The following PLCH2 variants were observed in gnomAD, a reference collection of about 807,000 sequenced individuals.
PLCH2 encodes the protein 1-phosphatidylinositol 4,5-bisphosphate phosphodiesterase eta-2.
PLCH2 carries 98 observed loss-of-function variants against 134.7 expected under a neutral mutation model. The ratio of observed to expected loss-of-function variants is 0.73; its 90% CI spans 0.62 to 0.86. PLCH2 has a LOEUF of 0.86. Among genes scored for constraint, PLCH2 ranks in the 40% least tolerant of loss-of-function variants. The probability of loss-of-function intolerance (pLI) is 0.00; values close to 1 mark genes in which losing one functional copy is unlikely to be tolerated. For synonymous variants in PLCH2, 974 were observed against 827.5 expected (o/e 1.18, Z -3.04); for missense variants, 1,994 against 1,986.6 (o/e 1.00, Z -0.07).
intron 13 of PLCH2, 148 bp from the exon 14 acceptor site, chr1:2,496,459 C>A (rs553738357): frequency 1.3e-5 from 9 of 696,824 alleles, no homozygotes; most frequent in Non-Finnish European, 2.0e-5. Context: ...TTCCGCAGCC[C>A]GCGGCCCAGT....
intron 1 of PLCH2, among the ~76,000 whole-genome samples, chr1:2,429,697 G>A (rs1570208108): frequency 6.6e-6 from 1 of 152,318 alleles, no homozygotes; most frequent in Admixed American, 6.5e-5. Context: ...TGCGTGCGTG[G>A]TGACCAAAAG....
intron 13 of PLCH2, among the ~76,000 whole-genome samples, 154 bp from the exon 14 acceptor site, chr1:2,496,453 G>A (rs772865230): frequency 3.3e-5 from 5 of 152,222 alleles, no homozygotes; most frequent in African/African-American, 4.8e-5. Context: ...TCAGGTTTCC[G>A]CAGCCCGCGG....
upstream of PLCH2, among the ~76,000 whole-genome samples, chr1:2,465,668 C>T (rs543564252): frequency 6.6e-6 from 1 of 152,240 alleles, no homozygotes; most frequent in African/African-American, 2.4e-5. Context: ...TTTAGGAGAT[C>T]AGAATCTTAA....
Position 2,476,622 on chromosome 1 carries a change from A to T in PLCH2, c.34A>T (p.Thr12Ser). The T allele has an allele frequency of 6.3e-7, 1 of 1,598,626 alleles. No individual in the cohort carries two copies. ...TCCATGGCCCTCCCCCGACAGCCGG[A>T]CCAAGGGAACGGTGGCCTGGCTGGC... is the stretch of plus-strand genomic sequence containing the variant. ...SGPWPSPDSR[T>S]KGTVAWLAEV... The change falls in exon 1 of 22, where the codon ACC becomes TCC. Residue 12 changes from threonine to serine, a missense_variant. Coordinates refer to ENST00000378486, the MANE Select transcript of PLCH2 (RefSeq NM_014638.4).
chr1:2,434,170 T>C (rs1260508504), intron 2 of PLCH2, among the ~76,000 whole-genome samples: 2 of 152,248 alleles, frequency 1.3e-5, no homozygotes, highest in African/African-American at 4.8e-5. Context: ...AGCTTCTTAC[T>C]GAGCAACCAA....
chr1:2,465,868 C>T (rs1411633405), upstream of PLCH2, among the ~76,000 whole-genome samples: 3 of 152,150 alleles, frequency 2.0e-5, no homozygotes, highest in East Asian at 1.9e-4. Flanking sequence ...TCCAAGGAGG[C>T]GTGGCTGGGT....
Position 2,504,372 on chromosome 1 carries a change from G to C in PLCH2, c.3410G>C (p.Cys1137Ser). The change falls in exon 22 of 22, where the codon TGT becomes TCT. Residue 1137 changes from cysteine to serine, a missense_variant. Coordinates refer to ENST00000378486, the MANE Select transcript of PLCH2 (RefSeq NM_014638.4). ...SDPLWQRLEPCGHRDSVSSSS... is the reference protein window; with the variant it reads ...SDPLWQRLEPSGHRDSVSSSS... ...CCGCTGTGGCAGCGGCTGGAGCCAT[G>C]TGGCCACCGAGACAGCGTTTCCTCC... 1 of 1,611,740 alleles carries C rather than the reference G, an allele frequency of 6.2e-7. No individual in the cohort carries two copies. Among genetic ancestry groups the C allele is most frequent in the Non-Finnish European group, 8.5e-7 (1 of 1,179,720 alleles).
At chr1:2,501,069 C>T (rs1467848236) in intron 20 of PLCH2, 1 of 152,036 alleles carries the variant, frequency 6.6e-6, no homozygotes, top group East Asian at 1.9e-4. Context: ...AGCCAGAATC[C>T]CGGATCTGCT....
Position 2,497,009 on chromosome 1 carries a change from G to A in PLCH2, c.2115G>A (p.Met705Ile). The A allele has an allele frequency of 6.2e-7, 1 of 1,612,136 alleles. No individual in the cohort carries two copies. The highest frequency in any genetic ancestry group is 1.1e-5 in the South Asian group (1 of 90,930). ...PQPFWNAGCQ[M>I]VALNYQSEGR... ...CCTTCTGGAACGCCGGCTGCCAAAT[G>A]GGTGGGTGCGGGCATGGTGCGCTGG... The change falls in exon 15 of 22, where the codon ATG becomes ATA. Residue 705 changes from methionine to isoleucine, a missense_variant and splice_region_variant. Met to Ile is a conservative substitution (Grantham distance 10). Around this residue, in one of 2 missense-constraint regions of PLCH2, gnomAD observed 1,094 missense variants for 1,234.3 expected, o/e 0.89. Transcript: ENST00000378486.
upstream of PLCH2, among the ~76,000 whole-genome samples, chr1:2,466,305 T>C (rs916828505): frequency 1.3e-5 from 2 of 152,154 alleles, no homozygotes; most frequent in Admixed American, 6.5e-5. Flanking sequence ...AGACTGTTCA[T>C]TCACGAGGGC....
rs894902610 is a variant in PLCH2, at chr1:2,448,988, C to T, written c.115+18359C>T. The stretch of plus-strand genomic sequence containing the variant: ...GCGGGGAAAGGGCCGTGGGCTTGGG[C>T]CCTGGAACGCATCCCAGGATCAGTG... On this transcript the variant is annotated intron_variant, in intron 2 of 3. Coordinates refer to the PLCH2 transcript ENST00000609981. The surrounding 1 kb of genome is among the most constrained non-coding windows in gnomAD (Gnocchi z 4.0). Among the ~76,000 whole-genome samples, 4 of 152,158 alleles carry T rather than the reference C, an allele frequency of 2.6e-5. No individual in the cohort carries two copies. Among genetic ancestry groups the T allele is most frequent in the Admixed American group, 2.0e-4 (3 of 15,280 alleles).
Position 2,459,475 on chromosome 1 carries a change from G to A in PLCH2, c.116-19001G>A, listed in dbSNP as rs1339187790. Among the ~76,000 whole-genome samples, 2 of 57,684 alleles carry A rather than the reference G, an allele frequency of 3.5e-5. 1 individual carries two copies. The allele number at this position is 57,684 out of a possible 152,430, so 37.8% of individuals were successfully genotyped here. ...CTCCTTCCTGGTGGTTCTCCTTCCTGGTGGTCCTCCTTCCTGGTGGTCCTC... is the reference window on the plus strand; with the variant it reads ...CTCCTTCCTGGTGGTTCTCCTTCCTAGTGGTCCTCCTTCCTGGTGGTCCTC... On this transcript the variant is annotated intron_variant, in intron 2 of 3. Transcript: ENST00000609981.
chr1:2,496,892 G>A lies in PLCH2; in HGVS notation c.1998G>A (p.Lys666=), dbSNP rs770020660. The change falls in exon 15 of 22, where the codon AAG becomes AAA. Residue 666 remains lysine (K), a synonymous_variant. Coordinates refer to ENST00000378486, the MANE Select transcript of PLCH2 (RefSeq NM_014638.4). ...ETKAHQILQQ[K]PAQYLRFNQQ... The stretch of plus-strand genomic sequence containing the variant: ...AGGCCCACCAGATTCTGCAGCAGAA[G>A]CCGGCGCAGTACCTACGCTTCAACC... 7 of 1,613,052 alleles carry A rather than the reference G, an allele frequency of 4.3e-6. No individual in the cohort carries two copies. Among genetic ancestry groups the A allele is most frequent in the Non-Finnish European group, 5.1e-6 (6 of 1,179,842 alleles).
chr1:2,498,813 G>C lies in PLCH2; in HGVS notation c.2419G>C (p.Val807Leu), dbSNP rs745626292. ...PVDCSREQTR[V>L]VDDNGFNPTW... ...GGACTGCAGCAGGGAGCAGACCCGC[G>C]TGGTGGACGACAACGGTGAGGCTGG... is the stretch of plus-strand genomic sequence containing the variant. Residue 807 changes from valine to leucine, a missense_variant, in exon 18 of 22, where the codon GTG (valine) becomes CTG (leucine). Coordinates refer to ENST00000378486, the MANE Select transcript of PLCH2 (RefSeq NM_014638.4). The surrounding 1 kb of genome is among the most constrained non-coding windows in gnomAD (Gnocchi z 5.4). 1 of 1,609,986 alleles carries C rather than the reference G, an allele frequency of 6.2e-7. No homozygotes were observed. Among genetic ancestry groups the C allele is most frequent in the East Asian group, 2.2e-5 (1 of 44,812 alleles).
At chr1:2,474,459 CA>C (rs1641507214), upstream of PLCH2, among the ~76,000 whole-genome samples, 1 of 152,170 alleles carries the variant, frequency 6.6e-6, no homozygotes, top group South Asian at 2.1e-4. Flanking sequence ...CTGAGGAGGT[CA>C]GGGGGCCTGG....
At chr1:2,478,019 C>A (rs1380637628) in intron 1 of PLCH2, among the ~76,000 whole-genome samples, 1 of 152,216 alleles carries the variant, frequency 6.6e-6, no homozygotes, top group Non-Finnish European at 1.5e-5. Context: ...ACAGCCAGCC[C>A]AGCCACCTCA....
chr1:2,472,775 A>G (rs1167397703), upstream of PLCH2, among the ~76,000 whole-genome samples: 1 of 152,120 alleles, frequency 6.6e-6, no homozygotes, highest in African/African-American at 2.4e-5. Context: ...ACCTCTGGAC[A>G]GGCCTGGAAG....
chr1:2,502,146 TCCGAGG>T lies in PLCH2; in HGVS notation c.2699_2704del (p.Arg900_Gly901del). ...GCTCTGGGCCTAAAAGGCCTCTTCC[TCCGAGG>T]CCCAAAGCCCGGCTCGCTGGACAGT... On this transcript the variant is annotated inframe_deletion, in exon 21 of 22. Transcript: ENST00000378486. The T allele has an allele frequency of 6.8e-7, 1 of 1,478,744 alleles. No homozygotes were observed. Among genetic ancestry groups the T allele is most frequent in the Non-Finnish European group, 8.9e-7 (1 of 1,119,092 alleles). The allele number at this position is 1,478,744 out of a possible 1,614,324, so 91.6% of individuals were successfully genotyped here.
chr1:2,504,531 C>G lies in PLCH2; in HGVS notation c.3569C>G (p.Ala1190Gly). ...CCCAGGCCCCACTCGGCTTCGGCTG[C>G]CCGCCCAGACCTGCCACCTGTGACC... ...LPPRPHSASA[A>G]RPDLPPVTKS... The change falls in exon 22 of 22, where the codon GCC becomes GGC. Residue 1190 changes from alanine (A) to glycine (G), a missense_variant. Transcript: ENST00000378486. The G allele has an allele frequency of 6.2e-7, 1 of 1,612,552 alleles. No homozygotes were observed. The highest frequency in any genetic ancestry group is 8.5e-7 in the Non-Finnish European group (1 of 1,179,750).
Sources: gnomAD v4.1 joint callset for allele counts (sites outside exome capture counted in the v4.1 genomes callset) on GRCh38, gnomAD v4.1.1 for gene constraint, gnomAD v4.1.1 regional missense constraint, Gnocchi (gnomAD v3.1) non-coding constraint, MANE v1.5 for transcripts, NCBI Gene and HGNC (gene_info 2026-07-23, HGNC 2026-07-21) for gene names.